EPHB6: variants seen among roughly 807,000 people sequenced by gnomAD.
EPHB6 encodes EPH receptor B6.
In EPHB6, 51 loss-of-function variants were observed where a neutral mutation model predicts 107.0. That is an observed-to-expected ratio of 0.48 (90% CI 0.38 to 0.60). The LOEUF (loss-of-function observed/expected upper bound fraction) is 0.60, where lower values mean the gene tolerates loss of function less well. EPHB6 is among the 20% of genes least tolerant of loss of function. The pLI, the probability that EPHB6 is intolerant of heterozygous loss-of-function variation, is 0.00. For synonymous variants in EPHB6, 553 were observed against 549.0 expected (o/e 1.01, Z -0.10); for missense variants, 1,141 against 1,355.5 (o/e 0.84, Z 2.48).
intron 8 of EPHB6, 112 bp from the exon 9 acceptor site, chr7:142,865,848 C>G: frequency 8.0e-7 from 1 of 1,250,390 alleles, no homozygotes; most frequent in Non-Finnish European, 1.2e-6. Flanking sequence ...ACCCCACGCT[C>G]TTCTGTCTCC....
rs1802538140 is a variant in EPHB6 at position 142,855,164 on chromosome 7, C to A, written c.-653C>A. Reference sequence around the variant, plus strand: ...GCGACGGCGATCTCGACGCGGGCCCCCAGGATCTCCCGGCGCCCCACCTCT... The same window carrying A: ...GCGACGGCGATCTCGACGCGGGCCCACAGGATCTCCCGGCGCCCCACCTCT... On this transcript the variant is annotated 5_prime_UTR_variant, in exon 1 of 20. Coordinates refer to ENST00000652003, the MANE Select transcript of EPHB6 (RefSeq NM_004445.6). This position sits in a 1 kb window ranked among gnomAD's most constrained non-coding sequence, Gnocchi z 4.2. 1 of 152,198 alleles carries A rather than the reference C, an allele frequency of 6.6e-6. No homozygotes were observed. Among genetic ancestry groups the A allele is most frequent in the African/African-American group, 2.4e-5 (1 of 41,424 alleles). The allele number at this position is 152,198 out of a possible 1,614,324, so 9.4% of individuals were successfully genotyped here. A position where few individuals can be genotyped will look rare whatever the true frequency, so the allele number is the denominator to read the frequency against.
At chr7:142,865,834 C>T in intron 8 of EPHB6, 126 bp from the exon 9 acceptor site, 1 of 1,172,998 alleles carries the variant, frequency 8.5e-7, no homozygotes, top group Non-Finnish European at 1.2e-6. Context: ...TCTGGGCTAC[C>T]CCCACCCCAC....
chr7:142,865,809 C>T (rs1803128760), intron 8 of EPHB6, 151 bp from the exon 9 acceptor site: 2 of 1,102,994 alleles, frequency 1.8e-6, no homozygotes, highest in Non-Finnish European at 2.6e-6. Context: ...CTTCCCTGGG[C>T]CCACATCCTG....
chr7:142,863,366 T>C (rs1563337813), intron 5 of EPHB6, 39 bp downstream of exon 5: 4 of 1,583,954 alleles, frequency 2.5e-6, no homozygotes, highest in Non-Finnish European at 2.6e-6. Context: ...AGACCTGCCA[T>C]AGAGACCCAG....
At chr7:142,865,766 C>CCT in intron 8 of EPHB6, 136 bp downstream of exon 8, 1 of 1,268,982 alleles carries the variant, frequency 7.9e-7, no homozygotes, top group Non-Finnish European at 1.1e-6. Context: ...TCCTCCCCTC[C>CCT]CTGTCCCCAC....
chr7:142,863,435 A>G, intron 5 of EPHB6, 108 bp downstream of exon 5: 1 of 1,250,952 alleles, frequency 8.0e-7, no homozygotes, highest in Non-Finnish European at 1.2e-6. Context: ...ACATCAATAA[A>G]GGGAAAGGCA....
rs186483428 is a variant in EPHB6 at position 142,856,377 on chromosome 7, G to A, written c.-432+992G>A. On this transcript the variant is annotated intron_variant, in intron 1 of 19. Transcript: ENST00000652003. Reference sequence around the variant, plus strand: ...TTCTCAAAGGAAGATTAGCGTGGGGGTGTCTATGTACTTACCTGGTGGCCT... The same window carrying A: ...TTCTCAAAGGAAGATTAGCGTGGGGATGTCTATGTACTTACCTGGTGGCCT... Among the ~76,000 whole-genome samples the A allele has an allele frequency of 7.2e-5, 11 of 152,322 alleles. No individual in the cohort carries two copies. The East Asian group carries it at 2.1e-3, about 29-fold the overall frequency.
chr7:142,870,066 C>T, intron 17 of EPHB6, 100 bp downstream of exon 17: 1 of 1,595,732 alleles, frequency 6.3e-7, no homozygotes, highest in South Asian at 1.1e-5. Flanking sequence ...ATTCTAAGAT[C>T]TCATGGCTGT....
rs1168104869 is a variant in EPHB6, at chr7:142,866,708, C to T, written c.1587+103C>T. ...AGGTGCACAGGAGGAATGAGGGGTC[C>T]GCAACAGGGCTGGCAGGAGCTCACA... On this transcript the variant is annotated intron_variant, in intron 10 of 19. Transcript: ENST00000652003. This position sits in a 1 kb window ranked among gnomAD's most constrained non-coding sequence, Gnocchi z 5.2. The T allele has an allele frequency of 1.6e-5, 25 of 1,601,142 alleles. No homozygotes were observed. The highest frequency in any genetic ancestry group is 2.0e-4 in the Middle Eastern group (1 of 4,898).
Position 142,868,365 on chromosome 7 carries a change from A to T in EPHB6, c.2038+5A>T, listed in dbSNP as rs372885190. The T allele has an allele frequency of 3.7e-6, 6 of 1,614,058 alleles. No homozygotes were observed. The highest frequency in any genetic ancestry group is 5.1e-6 in the Non-Finnish European group (6 of 1,180,038). On this transcript the variant is annotated splice_donor_5th_base_variant and intron_variant, in intron 14 of 19. Coordinates refer to ENST00000652003, the MANE Select transcript of EPHB6 (RefSeq NM_004445.6). The surrounding 1 kb of genome is among the most constrained non-coding windows in gnomAD (Gnocchi z 4.2). ...TTGAGGAGGTCATTGGGACAGGTAC[A>T]GCAGGGCCAAAGCAGGGATCAGAGC...
intron 5 of EPHB6, 113 bp from the exon 6 acceptor site, chr7:142,863,518 G>A: frequency 7.4e-7 from 1 of 1,357,436 alleles, no homozygotes. Context: ...GCTCCTGCTG[G>A]CAAAGACATG....
chr7:142,867,037 G>A lies in EPHB6; in HGVS notation c.1719G>A (p.Gly573=), dbSNP rs767974439. The change falls in exon 11 of 20, where the codon GGG becomes GGA. Residue 573 remains glycine, a synonymous_variant. Coordinates refer to ENST00000652003, the MANE Select transcript of EPHB6 (RefSeq NM_004445.6). This position sits in a 1 kb window ranked among gnomAD's most constrained non-coding sequence, Gnocchi z 5.3. ...ARTAAGHGPY[G]GKVYFQTLPQ... The stretch of plus-strand genomic sequence containing the variant: ...CTGCTGCCGGCCACGGCCCCTACGG[G>A]GGCAAAGTCTATTTCCAGACACTTC... 3 of 1,614,012 alleles carry A rather than the reference G, an allele frequency of 1.9e-6. No individual in the cohort carries two copies. Among genetic ancestry groups the A allele is most frequent in the South Asian group, 2.2e-5 (2 of 91,082 alleles).
rs752646274 is a variant in EPHB6, at chr7:142,864,455, G to T, written c.655G>T (p.Ala219Ser). ...CTACGTGGCCTTCCAGGACACGGGGGCCTGCCTGGCCCTGGTCGCTGTCAG... is the reference window on the plus strand; with the variant it reads ...CTACGTGGCCTTCCAGGACACGGGGTCCTGCCTGGCCCTGGTCGCTGTCAG... ...GFYVAFQDTG[A>S]CLALVAVRLF... Residue 219 changes from alanine to serine, a missense_variant, in exon 7 of 20, where the codon GCC (alanine) becomes TCC (serine). By Grantham distance (99) the Ala-to-Ser change is moderately conservative. Around this residue, in one of 3 missense-constraint regions of EPHB6, gnomAD observed 221 missense variants for 300.5 expected, o/e 0.74. Coordinates refer to ENST00000652003, the MANE Select transcript of EPHB6 (RefSeq NM_004445.6). 4.3e-6 allele frequency: 7 copies of T among 1,612,712 alleles called. No individual in the cohort carries two copies. In the South Asian group the frequency reaches 7.7e-5, roughly 18 times the overall value.
At position 142,866,843 on chromosome 7, in the gene EPHB6, C is replaced by T. The variant is rs1794625952; in HGVS notation, c.1588-63C>T. Reference sequence around the variant, plus strand: ...GTCAACCAGGGAGGGTGGCTGGGGGCCTTAGGGGCAGAAGCAGGGGCAAGA... The same window carrying T: ...GTCAACCAGGGAGGGTGGCTGGGGGTCTTAGGGGCAGAAGCAGGGGCAAGA... On this transcript the variant is annotated intron_variant, in intron 10 of 19. Transcript: ENST00000652003. This position sits in a 1 kb window ranked among gnomAD's most constrained non-coding sequence, Gnocchi z 5.2. 1 of 1,612,616 alleles carries T rather than the reference C, an allele frequency of 6.2e-7. No individual in the cohort carries two copies. Among genetic ancestry groups the T allele is most frequent in the South Asian group, 1.1e-5 (1 of 91,034 alleles).
At chr7:142,857,361 A>G (rs1212606545) in intron 1 of EPHB6, among the ~76,000 whole-genome samples, 3 of 152,250 alleles carry the variant, frequency 2.0e-5, no homozygotes, top group African/African-American at 7.2e-5. Flanking sequence ...GGATGCCTCC[A>G]TGAAGCCTGA....
In EPHB6 at chr7:142,860,486, G is replaced by A. The variant is rs559179892; in HGVS notation, c.-431-566G>A. ...TAGGATATTTATTAAACAGCCACTG[G>A]TGACGGTGCCAAGGTTACAGAATTT... On this transcript the variant is annotated intron_variant, in intron 1 of 19. Transcript: ENST00000652003. Among the ~76,000 whole-genome samples the A allele has an allele frequency of 5.3e-5, 8 of 152,300 alleles. No individual in the cohort carries two copies. The South Asian group carries it at 1.5e-3, about 28-fold the overall frequency.
intron 3 of EPHB6, 44 bp downstream of exon 3, chr7:142,862,177 C>G (rs1802872320): frequency 6.6e-6 from 1 of 152,280 alleles, no homozygotes; most frequent in South Asian, 2.1e-4. Flanking sequence ...GCACTAATCT[C>G]ATGATTAGTG....
Position 142,866,012 on chromosome 7 carries a change from C to T in EPHB6, c.1158C>T (p.Leu386=). 6 of 1,614,014 alleles carry T rather than the reference C, an allele frequency of 3.7e-6. No individual in the cohort carries two copies. Among genetic ancestry groups the T allele is most frequent in the East Asian group, 2.2e-5 (1 of 44,866 alleles). ...GGTTTGAGGTGCAAGGCTCAGCACTCATGCTACACTGGCGCCTGCCTCGGG... is the reference window on the plus strand; with the variant it reads ...GGTTTGAGGTGCAAGGCTCAGCACTTATGCTACACTGGCGCCTGCCTCGGG... ...ELWFEVQGSA[L]MLHWRLPREL... is the part of the protein sequence containing the mutation. The change falls in exon 9 of 20, where the codon CTC becomes CTT. Residue 386 remains leucine (L), a synonymous_variant. Coordinates refer to ENST00000652003, the MANE Select transcript of EPHB6 (RefSeq NM_004445.6). The surrounding 1 kb of genome is among the most constrained non-coding windows in gnomAD (Gnocchi z 5.2).
At chr7:142,865,774 C>A in intron 8 of EPHB6, 144 bp downstream of exon 8, 1 of 1,233,110 alleles carries the variant, frequency 8.1e-7, no homozygotes, top group Non-Finnish European at 1.1e-6. Context: ...TCCCTGTCCC[C>A]ACCCCCTTCT....
Sources: gnomAD v4.1 joint callset for allele counts (sites outside exome capture counted in the v4.1 genomes callset) on GRCh38, gnomAD v4.1.1 for gene constraint, gnomAD v4.1.1 regional missense constraint, Gnocchi (gnomAD v3.1) non-coding constraint, MANE v1.5 for transcripts, NCBI Gene and HGNC (gene_info 2026-07-23, HGNC 2026-07-21) for gene names.